Variants in RBMS3 observed in about 807,000 individuals in gnomAD.
RBMS3 encodes the protein RNA binding motif single stranded interacting protein 3, also known as RNA-binding motif, single-stranded-interacting protein 3.
A neutral mutation model predicts 66.8 loss-of-function variants in RBMS3; 27 were observed. The ratio of observed to expected loss-of-function variants is 0.40; its 90% CI spans 0.30 to 0.56. The LOEUF (loss-of-function observed/expected upper bound fraction) is 0.56, where lower values mean the gene tolerates loss of function less well. RBMS3 is among the 20% of genes least tolerant of loss of function. The pLI, the probability that RBMS3 is intolerant of heterozygous loss-of-function variation, is 0.40. For synonymous variants in RBMS3, 188 were observed against 183.0 expected, an observed-to-expected ratio of 1.03 and a Z score of -0.22; for missense variants, 513 against 549.5, an observed-to-expected ratio of 0.93 and a Z score of 0.66.
intron 1 of RBMS3, among the ~76,000 whole-genome samples, chr3:29,307,331 T>TA (rs1357289162): frequency 6.6e-6 from 1 of 152,006 alleles, no homozygotes; most frequent in East Asian, 1.9e-4. Context: ...TATAAGCAAT[T>TA]ACATTTGTAT....
chr3:29,717,366 G>A (rs1010635151), intron 4 of RBMS3, among the ~76,000 whole-genome samples: 2 of 152,018 alleles, frequency 1.3e-5, no homozygotes, highest in African/African-American at 4.8e-5. Flanking sequence ...TTCTAGGCAA[G>A]TATAATTTTC....
At chr3:29,479,754 T>G (rs2043068556) in intron 2 of RBMS3, among the ~76,000 whole-genome samples, 1 of 152,214 alleles carries the variant, frequency 6.6e-6, no homozygotes, top group Non-Finnish European at 1.5e-5. Context: ...ATTTTTCCTT[T>G]GCATTGCTTT....
At chr3:29,689,633 A>G (rs1313131891) in intron 4 of RBMS3, among the ~76,000 whole-genome samples, 1 of 152,132 alleles carries the variant, frequency 6.6e-6, no homozygotes, top group Non-Finnish European at 1.5e-5. Context: ...ATTTGTTTAC[A>G]TGTACTGATT....
At chr3:29,686,482 T>G (rs143125049) in intron 4 of RBMS3, among the ~76,000 whole-genome samples, 2 of 152,208 alleles carry the variant, frequency 1.3e-5, no homozygotes, top group African/African-American at 4.8e-5. Context: ...GCCAGGAGTT[T>G]AAGACCAGCC....
At chr3:29,830,778 T>G (rs2058351195) in intron 6 of RBMS3, among the ~76,000 whole-genome samples, 1 of 152,150 alleles carries the variant, frequency 6.6e-6, no homozygotes. Flanking sequence ...AAATTGCAAT[T>G]CAGATCCTTT....
At chr3:29,922,469 G>A (rs1268303432) in intron 10 of RBMS3, among the ~76,000 whole-genome samples, 1 of 141,226 alleles carries the variant, frequency 7.1e-6, no homozygotes, top group Non-Finnish European at 1.5e-5. Flanking sequence ...AGTCCGGCCT[G>A]GGCGACAGAG....
intron 12 of RBMS3, among the ~76,000 whole-genome samples, chr3:29,978,393 A>G (rs916557018): frequency 6.6e-6 from 1 of 152,060 alleles, no homozygotes; most frequent in African/African-American, 2.4e-5. Context: ...GTTTAAAATA[A>G]CCTGTTCTTA....
intron 11 of RBMS3, among the ~76,000 whole-genome samples, chr3:29,943,320 C>G (rs779738112): frequency 6.6e-6 from 1 of 151,802 alleles, no homozygotes; most frequent in Non-Finnish European, 1.5e-5. Flanking sequence ...TTAGAGTTTA[C>G]CCCTCCAAGG....
intron 6 of RBMS3, among the ~76,000 whole-genome samples, chr3:29,867,557 G>A (rs79648286): frequency 1.4e-5 from 2 of 146,090 alleles, no homozygotes; most frequent in African/African-American, 5.1e-5. Flanking sequence ...ACCTTTATTC[G>A]CATCTCATCC....
At chr3:29,365,808 T>C (rs2037870341) in intron 1 of RBMS3, among the ~76,000 whole-genome samples, 1 of 152,192 alleles carries the variant, frequency 6.6e-6, no homozygotes, top group African/African-American at 2.4e-5. Context: ...GCTTCCAATT[T>C]TTCTAGTTCC....
intron 8 of RBMS3, among the ~76,000 whole-genome samples, chr3:29,896,510 T>A (rs1019011303): frequency 1.3e-5 from 2 of 151,634 alleles, no homozygotes; most frequent in Non-Finnish European, 3.0e-5. Flanking sequence ...GTTTTGTCTG[T>A]TCTGTGGCTC....
chr3:29,631,206 G>A (rs1340715660), intron 4 of RBMS3, among the ~76,000 whole-genome samples: 4 of 151,768 alleles, frequency 2.6e-5, no homozygotes, highest in Non-Finnish European at 5.9e-5. Context: ...GTGAATATAT[G>A]AGCACATAAA....
At position 30,007,569 on chromosome 3, in the gene RBMS3, G is replaced by A. The variant is rs368576342; in HGVS notation, c.*3707G>A. ...GTATGGTATTGTCAAGGGAGGCAAA[G>A]TGTTCATGGTAACTTGGAGCTCCCC... is the stretch of plus-strand genomic sequence containing the variant. On this transcript the variant is annotated 3_prime_UTR_variant, in exon 15 of 15. Coordinates refer to ENST00000383767, the MANE Select transcript of RBMS3 (RefSeq NM_001003793.3). 6 of 152,036 alleles carry A rather than the reference G, an allele frequency of 3.9e-5. No homozygotes were observed. The East Asian group carries it at 1.2e-3, about 29-fold the overall frequency. The allele number at this position is 152,036 out of a possible 1,614,324, so 9.4% of individuals were successfully genotyped here.
chr3:29,954,729 C>T (rs1280164227), intron 12 of RBMS3, among the ~76,000 whole-genome samples: 1 of 151,924 alleles, frequency 6.6e-6, no homozygotes, highest in Non-Finnish European at 1.5e-5. Context: ...CTGCTATACC[C>T]ATTCCATTCT....
chr3:29,923,837 A>G (rs147968743), intron 10 of RBMS3, among the ~76,000 whole-genome samples: 23 of 152,346 alleles, frequency 1.5e-4, no homozygotes, highest in African/African-American at 4.8e-4. Flanking sequence ...TCAAATGTGA[A>G]TACCAATTAG....
chr3:29,907,321 T>C (rs1031542667), intron 10 of RBMS3, among the ~76,000 whole-genome samples: 1 of 152,160 alleles, frequency 6.6e-6, no homozygotes, highest in Admixed American at 6.6e-5. Context: ...TAATATAATT[T>C]TCCACCTGAT....
At chr3:29,644,109 A>G (rs994987092) in intron 4 of RBMS3, among the ~76,000 whole-genome samples, 3 of 152,188 alleles carry the variant, frequency 2.0e-5, no homozygotes, top group Non-Finnish European at 4.4e-5. Flanking sequence ...TTTGAATCTA[A>G]TAGAGGGGAA....
At chr3:29,628,122 T>C (rs1230162979) in intron 4 of RBMS3, among the ~76,000 whole-genome samples, 3 of 152,102 alleles carry the variant, frequency 2.0e-5, no homozygotes, top group African/African-American at 7.2e-5. Flanking sequence ...TAGAAGAATG[T>C]GGAGGGAGTG....
intron 7 of RBMS3, among the ~76,000 whole-genome samples, chr3:29,870,131 TAA>T (rs1687440700): frequency 1.3e-5 from 2 of 152,162 alleles, no homozygotes; most frequent in South Asian, 4.1e-4. Flanking sequence ...ATAAAAAAGA[TAA>T]AGAGTTTTAA....
Sources: allele counts gnomAD v4.1 joint callset (sites outside exome capture counted in the v4.1 genomes callset), GRCh38; gene constraint gnomAD v4.1.1; transcripts MANE v1.5; gene names NCBI Gene and HGNC (gene_info 2026-07-23, HGNC 2026-07-21).